The following EYA4 variants were observed in gnomAD, a reference collection of about 807,000 sequenced individuals.
EYA4 encodes protein phosphatase EYA4.
In EYA4, 31 loss-of-function variants were observed where a neutral mutation model predicts 87.9. The ratio of observed to expected loss-of-function variants is 0.35; its 90% CI spans 0.27 to 0.48. The LOEUF is 0.48. EYA4 is among the 20% of genes least tolerant of loss of function. The pLI, the probability that EYA4 is intolerant of heterozygous loss-of-function variation, is 0.99. For missense variants in EYA4, 678 were observed against 761.4 expected (o/e 0.89, Z 1.29); for synonymous variants, 263 against 270.6 (o/e 0.97, Z 0.28).
At chr6:133,442,322 TAAGGTG>T (rs554761061) in intron 3 of EYA4, among the ~76,000 whole-genome samples, 184 of 152,302 alleles carry the variant, frequency 1.2e-3, no homozygotes, top group Non-Finnish European at 2.2e-3. Flanking sequence ...CTCTGGCAGT[TAAGGTG>T]AGGATCTGTT....
At chr6:133,261,142 T>G (rs1775769891) in intron 1 of EYA4, among the ~76,000 whole-genome samples, 1 of 152,226 alleles carries the variant, frequency 6.6e-6, no homozygotes, top group Admixed American at 6.5e-5. Flanking sequence ...CATGTCAGTC[T>G]AGATTCTCTT....
At chr6:133,259,266 A>G (rs1048887321) in intron 1 of EYA4, among the ~76,000 whole-genome samples, 2 of 152,156 alleles carry the variant, frequency 1.3e-5, no homozygotes, top group Admixed American at 1.3e-4. Flanking sequence ...AAAGATTAGG[A>G]ATGACAGGAA....
intron 2 of EYA4, among the ~76,000 whole-genome samples, chr6:133,353,025 C>T (rs1783754412): frequency 6.6e-6 from 1 of 152,100 alleles, no homozygotes; most frequent in South Asian, 2.1e-4. Flanking sequence ...TACTTGAAAA[C>T]AAGCATATAT....
chr6:133,327,715 C>A (rs1227684743), intron 2 of EYA4, among the ~76,000 whole-genome samples: 1 of 152,064 alleles, frequency 6.6e-6, no homozygotes, highest in African/African-American at 2.4e-5. Context: ...GATGCTTTAC[C>A]TTTTATATCA....
intron 1 of EYA4, among the ~76,000 whole-genome samples, chr6:133,261,773 A>G (rs983716248): frequency 5.3e-5 from 8 of 152,240 alleles, no homozygotes; most frequent in African/African-American, 1.7e-4. Flanking sequence ...GTTTTAATTC[A>G]GTATATGAAG....
chr6:133,513,374 A>G (rs970479769), intron 16 of EYA4, among the ~76,000 whole-genome samples: 1 of 152,232 alleles, frequency 6.6e-6, no homozygotes, highest in African/African-American at 2.4e-5. Context: ...GGCAACAGAA[A>G]GAAGTCCTTT....
chr6:133,428,911 C>CTT (rs58727159), intron 3 of EYA4, among the ~76,000 whole-genome samples: 483 of 48,140 alleles, frequency 0.01, 109 homozygotes, highest in East Asian at 0.039. Context: ...GATTTAGCTT[C>CTT]TTTTTTTTTT....
chr6:133,286,680 T>C (rs9493585), intron 2 of EYA4, among the ~76,000 whole-genome samples: 8,716 of 152,284 alleles, frequency 0.057, 699 homozygotes, highest in African/African-American at 0.18. Context: ...CAGCTATGAA[T>C]AGGTATTGAG....
At chr6:133,242,924 C>G (rs946274583) in intron 1 of EYA4, among the ~76,000 whole-genome samples, 1 of 152,142 alleles carries the variant, frequency 6.6e-6, no homozygotes, top group Non-Finnish European at 1.5e-5. Flanking sequence ...CACCGCGTCT[C>G]CTGCGCCTCT....
chr6:133,292,190 A>G (rs1298187253), intron 2 of EYA4, among the ~76,000 whole-genome samples: 2 of 152,228 alleles, frequency 1.3e-5, no homozygotes, highest in East Asian at 3.8e-4. Context: ...TGGATGATGC[A>G]GACACATTCC....
chr6:133,511,972 T>G (rs1397004073), intron 14 of EYA4, among the ~76,000 whole-genome samples: 2 of 142,350 alleles, frequency 1.4e-5, no homozygotes, highest in African/African-American at 5.8e-5. Flanking sequence ...CTAAGTGAGA[T>G]TCCATATAAA....
At chr6:133,246,086 T>C (rs1008124375) in intron 1 of EYA4, among the ~76,000 whole-genome samples, 8 of 152,162 alleles carry the variant, frequency 5.3e-5, no homozygotes, top group African/African-American at 1.9e-4. Flanking sequence ...CAAAACCACA[T>C]TTATATAGTG....
intron 2 of EYA4, among the ~76,000 whole-genome samples, chr6:133,275,673 G>T (rs901702175): frequency 1.2e-4 from 18 of 151,986 alleles, no homozygotes; most frequent in African/African-American, 4.4e-4. Flanking sequence ...TTCTAGAAAA[G>T]GTATATGTGA....
rs77588777 is a variant in EYA4, at chr6:133,453,804, T to C, written c.278-2752T>C. 1.5e-3 allele frequency: 232 copies of C among 152,274 alleles called. 1 individual carries two copies. Among genetic ancestry groups the C allele is most frequent in the African/African-American group, 5.2e-3 (215 of 41,572 alleles). The allele number at this position is 152,274 out of a possible 1,614,324, so 9.4% of individuals were successfully genotyped here. A position where few individuals can be genotyped will look rare whatever the true frequency, so the allele number is the denominator to read the frequency against. On this transcript the variant is annotated intron_variant, in intron 5 of 19. Coordinates refer to ENST00000355286, the MANE Select transcript of EYA4 (RefSeq NM_004100.5). ...TAAAATTCAGGCATTTTAGTAAAGC[T>C]AACACATCTTGCTTGTTACTCCTCT...
chr6:133,393,852 G>A (rs1006525385), intron 3 of EYA4, among the ~76,000 whole-genome samples: 36 of 152,074 alleles, frequency 2.4e-4, no homozygotes, highest in African/African-American at 7.2e-4. Context: ...TGATCAGAAG[G>A]CTTCAAGATT....
At chr6:133,372,508 A>T (rs189639216) in intron 2 of EYA4, among the ~76,000 whole-genome samples, 1,831 of 152,054 alleles carry the variant, frequency 0.012, 38 homozygotes, top group African/African-American at 0.043. Flanking sequence ...AATAGATTTT[A>T]AAACTCAAAA....
In EYA4 at chr6:133,528,786, T is replaced by A; in HGVS notation, c.1901T>A (p.Leu634Gln). Residue 634 changes from leucine (L) to glutamine (Q), a missense_variant, in exon 20 of 20, where the codon CTG (leucine) becomes CAG (glutamine). Coordinates refer to ENST00000355286, the MANE Select transcript of EYA4 (RefSeq NM_004100.5). ...HSDLLALHQA[L>Q]ELEYL ...GACCTCCTGGCTCTCCACCAAGCAC[T>A]GGAATTAGAGTATTTGTAACTGTGT... 6.2e-7 allele frequency: 1 copy of A among 1,613,726 alleles called. No individual in the cohort carries two copies. Among genetic ancestry groups the A allele is most frequent in the Non-Finnish European group, 8.5e-7 (1 of 1,179,710 alleles).
intron 2 of EYA4, among the ~76,000 whole-genome samples, chr6:133,277,165 G>A (rs900696366): frequency 1.3e-5 from 2 of 152,224 alleles, no homozygotes; most frequent in South Asian, 2.1e-4. Context: ...CATAGCAGTA[G>A]GAGTCATTTG....
Position 133,530,172 on chromosome 6 carries a change from C to G in EYA4, c.*1367C>G. On this transcript the variant is annotated 3_prime_UTR_variant, in exon 20 of 20. Coordinates refer to ENST00000355286, the MANE Select transcript of EYA4 (RefSeq NM_004100.5). ...AGTGCGCTGGATCTTGGCAGCGCTGCTGAAATGACAACAGTAAAATAATAC... is the reference window on the plus strand; with the variant it reads ...AGTGCGCTGGATCTTGGCAGCGCTGGTGAAATGACAACAGTAAAATAATAC... 1 of 985,290 alleles carries G rather than the reference C, an allele frequency of 1.0e-6. No individual in the cohort carries two copies. The highest frequency in any genetic ancestry group is 1.7e-5 in the African/African-American group (1 of 57,340). The allele number at this position is 985,290 out of a possible 1,614,324, so 61.0% of individuals were successfully genotyped here. A position where few individuals can be genotyped will look rare whatever the true frequency, so the allele number is the denominator to read the frequency against.
Sources: allele counts gnomAD v4.1 joint callset (sites outside exome capture counted in the v4.1 genomes callset), GRCh38; gene constraint gnomAD v4.1.1; transcripts MANE v1.5; gene names NCBI Gene and HGNC (gene_info 2026-07-23, HGNC 2026-07-21).